Variants in PTPRD observed in about 807,000 individuals in gnomAD.
PTPRD encodes receptor-type tyrosine-protein phosphatase delta.
A neutral mutation model predicts 214.5 loss-of-function variants in PTPRD; 34 were observed. That is an observed-to-expected ratio of 0.16 (90% CI 0.12 to 0.21). The LOEUF (loss-of-function observed/expected upper bound fraction) is 0.21, where lower values mean the gene tolerates loss of function less well. Ranked by LOEUF, PTPRD falls within the 10% of genes least tolerant of loss-of-function variation. The pLI is 1.00. For missense variants in PTPRD, 2,545 were observed against 2,398.7 expected (o/e 1.06, Z -1.27); for synonymous variants, 1,128 against 845.7 (o/e 1.33, Z -5.79).
At chr9:10,310,003 G>T (rs1298344816) in intron 3 of PTPRD, among the ~76,000 whole-genome samples, 1 of 151,934 alleles carries the variant, frequency 6.6e-6, no homozygotes, top group Non-Finnish European at 1.5e-5. Flanking sequence ...ATTACTTTTT[G>T]AGATAACTGG....
intron 8 of PTPRD, among the ~76,000 whole-genome samples, chr9:9,564,832 T>C (rs1351916792): frequency 1.3e-5 from 2 of 151,602 alleles, no homozygotes; most frequent in Non-Finnish European, 3.0e-5. Context: ...AAGATATTTC[T>C]TGTTCTGCCT....
At chr9:10,142,658 C>G (rs942153364) in intron 3 of PTPRD, among the ~76,000 whole-genome samples, 6 of 148,372 alleles carry the variant, frequency 4.0e-5, no homozygotes, top group East Asian at 2.0e-4. Flanking sequence ...GAAATAGGAA[C>G]ACTTTTACAC....
chr9:10,512,035 T>C lies in PTPRD; in HGVS notation c.-600+100363A>G, dbSNP rs757715539. On this transcript the variant is annotated intron_variant, in intron 2 of 45. Transcript: ENST00000381196. ...ACGTGTGTGTATATATATATGTATA[T>C]ATATATATACACACACGTATATATA... is the stretch of plus-strand genomic sequence containing the variant. Among the ~76,000 whole-genome samples the C allele has an allele frequency of 1.2e-3, 157 of 130,484 alleles. 2 individuals carry two copies. The highest frequency in any genetic ancestry group is 2.1e-3 in the Non-Finnish European group (131 of 61,224). 85.6% of individuals were successfully genotyped at this position (130,484 alleles called of 152,430 possible).
intron 11 of PTPRD, among the ~76,000 whole-genome samples, chr9:8,869,834 T>C (rs2098264516): frequency 6.6e-6 from 1 of 152,068 alleles, no homozygotes; most frequent in Non-Finnish European, 1.5e-5. Flanking sequence ...CAGTTGTCCC[T>C]GCTCTGAAGA....
chr9:8,788,100 G>T (rs2096066406), intron 11 of PTPRD, among the ~76,000 whole-genome samples: 1 of 151,974 alleles, frequency 6.6e-6, no homozygotes, highest in Non-Finnish European at 1.5e-5. Flanking sequence ...TTAATAACAG[G>T]ATGTATCGAA....
At chr9:9,148,651 A>G (rs1016593368) in intron 10 of PTPRD, among the ~76,000 whole-genome samples, 9 of 152,344 alleles carry the variant, frequency 5.9e-5, no homozygotes, top group African/African-American at 2.2e-4. Flanking sequence ...ATTTAAAAAT[A>G]AAATATAATA....
intron 8 of PTPRD, among the ~76,000 whole-genome samples, chr9:9,490,335 A>G (rs2095844571): frequency 6.6e-6 from 1 of 152,110 alleles, no homozygotes; most frequent in African/African-American, 2.4e-5. Flanking sequence ...CTCAATATAG[A>G]TAAATATATA....
chr9:8,712,710 A>G (rs889565473), intron 12 of PTPRD, among the ~76,000 whole-genome samples: 2 of 142,408 alleles, frequency 1.4e-5, no homozygotes, highest in Non-Finnish European at 3.0e-5. Flanking sequence ...CAAAGATCGT[A>G]TCAATTCTTT....
chr9:8,808,637 A>G (rs1369343439), intron 11 of PTPRD, among the ~76,000 whole-genome samples: 1 of 152,108 alleles, frequency 6.6e-6, no homozygotes, highest in Non-Finnish European at 1.5e-5. Context: ...AGTAGACTCA[A>G]TACAAAATAA....
chr9:8,589,416 G>A (rs950359620), intron 14 of PTPRD, among the ~76,000 whole-genome samples: 1 of 152,162 alleles, frequency 6.6e-6, no homozygotes, highest in Non-Finnish European at 1.5e-5. Context: ...TAATCACAGC[G>A]ACTTTCTGAC....
intron 11 of PTPRD, among the ~76,000 whole-genome samples, chr9:8,752,675 T>C (rs1007599065): frequency 6.6e-6 from 1 of 152,024 alleles, no homozygotes; most frequent in African/African-American, 2.4e-5. Context: ...TGGTGGAGGA[T>C]GAAAGACCAT....
rs117683685 is a variant in PTPRD at position 9,711,962 on chromosome 9, A to G, written c.-287+22571T>C. Among the ~76,000 whole-genome samples, 663 of 152,304 alleles carry G rather than the reference A, an allele frequency of 4.4e-3. 3 individuals carry two copies. The highest frequency in any genetic ancestry group is 6.4e-3 in the Non-Finnish European group (435 of 68,012). Reference sequence around the variant, plus strand: ...GCCAACAGCATCTCCCTGGGCACAAATACTGTCATTCTGATGCATGAATGT... The same window carrying G: ...GCCAACAGCATCTCCCTGGGCACAAGTACTGTCATTCTGATGCATGAATGT... On this transcript the variant is annotated intron_variant, in intron 7 of 45. Coordinates refer to ENST00000381196, the MANE Select transcript of PTPRD (RefSeq NM_002839.4).
At chr9:9,321,005 C>T (rs1032972514) in intron 9 of PTPRD, among the ~76,000 whole-genome samples, 1 of 152,048 alleles carries the variant, frequency 6.6e-6, no homozygotes, top group Non-Finnish European at 1.5e-5. Context: ...CAATATGGGT[C>T]AGTGAATGTT....
intron 11 of PTPRD, among the ~76,000 whole-genome samples, chr9:8,885,488 CTTTTTTTTTTTT>C (rs35568734): frequency 9.4e-4 from 88 of 93,360 alleles, no homozygotes; most frequent in Admixed American, 2.4e-3. Context: ...CACACAGCCT[CTTTTTTTTTTTT>C]TTTTTTTTTT....
At chr9:8,800,540 C>T (rs556493347) in intron 11 of PTPRD, among the ~76,000 whole-genome samples, 15 of 152,234 alleles carry the variant, frequency 9.9e-5, no homozygotes, top group Admixed American at 6.5e-5. Flanking sequence ...TGCTACACTC[C>T]CACCAACACT....
Position 10,185,250 on chromosome 9 carries a change from C to T in PTPRD, c.-544-151460G>A, listed in dbSNP as rs184953228. 3.9e-5 allele frequency among the ~76,000 whole-genome samples: 6 copies of T among 152,128 alleles called. No individual in the cohort carries two copies. In the East Asian group the frequency reaches 5.8e-4, roughly 15 times the overall value. On this transcript the variant is annotated intron_variant, in intron 3 of 45. Coordinates refer to ENST00000381196, the MANE Select transcript of PTPRD (RefSeq NM_002839.4). ...ACTACATTTAATGAGAGTACAAAAG[C>T]GGGTTTTCAACTACCAGGATATATT...
At chr9:9,914,485 ATC>A (rs2080122148) in intron 5 of PTPRD, among the ~76,000 whole-genome samples, 1 of 152,176 alleles carries the variant, frequency 6.6e-6, no homozygotes, top group African/African-American at 2.4e-5. Context: ...AGCAGACACA[ATC>A]AGAGGCCAGC....
At chr9:10,295,195 C>T (rs2095640414) in intron 3 of PTPRD, among the ~76,000 whole-genome samples, 1 of 151,946 alleles carries the variant, frequency 6.6e-6, no homozygotes, top group South Asian at 2.1e-4. Flanking sequence ...GTGCTATGTG[C>T]TCCTTTTTCC....
intron 12 of PTPRD, among the ~76,000 whole-genome samples, chr9:8,681,131 C>G (rs1315165647): frequency 1.3e-5 from 2 of 152,190 alleles, no homozygotes; most frequent in Admixed American, 1.3e-4. Flanking sequence ...TTACGTCATT[C>G]CCAATCACGC....
Sources: allele counts gnomAD v4.1 joint callset (sites outside exome capture counted in the v4.1 genomes callset), GRCh38; gene constraint gnomAD v4.1.1; transcripts MANE v1.5; gene names NCBI Gene and HGNC (gene_info 2026-07-23, HGNC 2026-07-21).